Variants in SLC6A3 observed in about 807,000 individuals in gnomAD.
SLC6A3 encodes the protein solute carrier family 6 member 3.
Under a neutral mutation model 70.4 loss-of-function variants are expected in SLC6A3, and 19 were observed. The ratio of observed to expected loss-of-function variants is 0.27; its 90% CI spans 0.19 to 0.40. SLC6A3 has a LOEUF of 0.40. SLC6A3 is among the 10% of genes least tolerant of loss of function. The probability of loss-of-function intolerance (pLI) is 1.00; values close to 1 mark genes in which losing one functional copy is unlikely to be tolerated. For missense variants in SLC6A3, 613 were observed against 838.5 expected, an observed-to-expected ratio of 0.73 and a Z score of 3.32; for synonymous variants, 368 against 356.6, an observed-to-expected ratio of 1.03 and a Z score of -0.36.
chr5:1,394,365 TC>T lies in SLC6A3; in HGVS notation c.*369del. ...GCAGGTGCGTCTACAAGGATCGTGA[TC>T]CCCGCCTGAGAACACAGTGCCCCTG... On this transcript the variant is annotated 3_prime_UTR_variant, in exon 15 of 15. Transcript: ENST00000270349. This position sits in a 1 kb window ranked among gnomAD's most constrained non-coding sequence, Gnocchi z 4.7. 2.3e-6 allele frequency: 1 copy of T among 432,860 alleles called. No individual in the cohort carries two copies. The highest frequency in any genetic ancestry group is 4.3e-6 in the Non-Finnish European group (1 of 235,040). 26.8% of individuals were successfully genotyped at this position (432,860 alleles called of 1,614,324 possible). A position where few individuals can be genotyped will look rare whatever the true frequency, so the allele number is the denominator to read the frequency against.
In SLC6A3 at chr5:1,401,389, A is replaced by C; in HGVS notation, c.1768-403T>G. The C allele has an allele frequency of 2.4e-6, 1 of 422,936 alleles. No homozygotes were observed. The highest frequency in any genetic ancestry group is 4.6e-6 in the Non-Finnish European group (1 of 216,388). 26.2% of individuals were successfully genotyped at this position (422,936 alleles called of 1,614,324 possible). A position where few individuals can be genotyped will look rare whatever the true frequency, so the allele number is the denominator to read the frequency against. ...CCTCGGGGCCACCTGCAGCTGACAT[A>C]TTCCGGGAGCACTTGCTTTTTGTCA... On this transcript the variant is annotated intron_variant, in intron 13 of 14. Transcript: ENST00000270349. The surrounding 1 kb of genome is among the most constrained non-coding windows in gnomAD (Gnocchi z 6.1).
chr5:1,410,566 C>T (rs752008101), intron 9 of SLC6A3, among the ~76,000 whole-genome samples: 8 of 152,170 alleles, frequency 5.3e-5, no homozygotes, highest in Non-Finnish European at 1.0e-4. Context: ...GGACCCGCCA[C>T]CCCCAGCAGC....
chr5:1,402,580 A>C lies in SLC6A3; in HGVS notation c.1767+342T>G, dbSNP rs2126323140. ...CGAATGTGAGCACAGACCCAGGCCC[A>C]CACACACGTGCACACGGAGACAGCA... is the stretch of plus-strand genomic sequence containing the variant. On this transcript the variant is annotated intron_variant, in intron 13 of 14. Coordinates refer to ENST00000270349, the MANE Select transcript of SLC6A3 (RefSeq NM_001044.5). This position sits in a 1 kb window ranked among gnomAD's most constrained non-coding sequence, Gnocchi z 8.5. Among the ~76,000 whole-genome samples the C allele has an allele frequency of 6.6e-6, 1 of 152,332 alleles. No homozygotes were observed. Among genetic ancestry groups the C allele is most frequent in the East Asian group, 1.9e-4 (1 of 5,172 alleles).
chr5:1,441,288 G>T, intron 3 of SLC6A3, 71 bp downstream of exon 3: 1 of 1,595,558 alleles, frequency 6.3e-7, no homozygotes, highest in Non-Finnish European at 8.6e-7. Flanking sequence ...CGGCTGGCTT[G>T]CTTTGAAAGC....
At chr5:1,422,784 A>G (rs371390243) in intron 4 of SLC6A3, among the ~76,000 whole-genome samples, 7 of 67,402 alleles carry the variant, frequency 1.0e-4, no homozygotes, top group Admixed American at 3.2e-4. Flanking sequence ...CGCTGCCCAC[A>G]GTGCTGCCCA....
intron 6 of SLC6A3, among the ~76,000 whole-genome samples, chr5:1,417,288 G>A (rs73030164): frequency 5.2e-4 from 78 of 151,334 alleles, no homozygotes; most frequent in African/African-American, 1.8e-3. Flanking sequence ...GCTACATGAT[G>A]GTGGCGCCCT....
chr5:1,440,342 T>C (rs1450264700), intron 3 of SLC6A3, among the ~76,000 whole-genome samples: 2 of 151,284 alleles, frequency 1.3e-5, no homozygotes, highest in African/African-American at 4.9e-5. Flanking sequence ...GATCAATAGA[T>C]AATGGATGGA....
intron 3 of SLC6A3, 61 bp from the exon 4 acceptor site, chr5:1,432,759 A>G: frequency 1.7e-6 from 2 of 1,195,552 alleles, no homozygotes. Context: ...ACCATCAGCA[A>G]CGTGTCCCTT....
chr5:1,435,678 G>A (rs1384146671), intron 3 of SLC6A3, among the ~76,000 whole-genome samples: 1 of 152,182 alleles, frequency 6.6e-6, no homozygotes, highest in Non-Finnish European at 1.5e-5. Context: ...CCTCCTGGTT[G>A]AGGATGCTTC....
chr5:1,423,505 C>A (rs1308317044), intron 4 of SLC6A3, among the ~76,000 whole-genome samples: 2 of 152,240 alleles, frequency 1.3e-5, no homozygotes, highest in African/African-American at 4.8e-5. Context: ...GCTCACAGCC[C>A]CTGCTGCTAT....
intron 3 of SLC6A3, among the ~76,000 whole-genome samples, chr5:1,439,194 C>T (rs374877671): frequency 2.0e-5 from 3 of 152,094 alleles, no homozygotes; most frequent in African/African-American, 4.8e-5. Context: ...GACCTGACGA[C>T]GGGGACGGAG....
chr5:1,414,583 G>T lies in SLC6A3; in HGVS notation c.1156+108C>A, dbSNP rs148689647. The T allele has an allele frequency of 6.5e-5, 86 of 1,317,120 alleles. 1 individual carries two copies. The highest frequency in any genetic ancestry group is 9.0e-5 in the Non-Finnish European group (85 of 949,118). The allele number at this position is 1,317,120 out of a possible 1,614,324, so 81.6% of individuals were successfully genotyped here. A position where few individuals can be genotyped will look rare whatever the true frequency, so the allele number is the denominator to read the frequency against. On this transcript the variant is annotated intron_variant, in intron 8 of 14. Coordinates refer to ENST00000270349, the MANE Select transcript of SLC6A3 (RefSeq NM_001044.5). Reference sequence around the variant, plus strand: ...TGAGGCAGCAACTCTCACTGAAGTCGCTCAGGGCCCATGCGTCTCCTTCCT... The same window carrying T: ...TGAGGCAGCAACTCTCACTGAAGTCTCTCAGGGCCCATGCGTCTCCTTCCT...
chr5:1,442,898 G>C lies in SLC6A3; in HGVS notation c.286+14C>G, dbSNP rs755546876. 6.2e-7 allele frequency: 1 copy of C among 1,614,108 alleles called. No individual in the cohort carries two copies. The highest frequency in any genetic ancestry group is 8.5e-7 in the Non-Finnish European group (1 of 1,179,976). The stretch of plus-strand genomic sequence containing the variant: ...CCCGGCCAGCATGCTCAGGGAGGCT[G>C]AGATGGGACTTACCGCCACCATTTT... On this transcript the variant is annotated intron_variant, in intron 2 of 14. Coordinates refer to ENST00000270349, the MANE Select transcript of SLC6A3 (RefSeq NM_001044.5). This position sits in a 1 kb window ranked among gnomAD's most constrained non-coding sequence, Gnocchi z 5.0.
At chr5:1,414,659 G>T (rs774074306) in intron 8 of SLC6A3, 32 bp downstream of exon 8, 4 of 1,610,066 alleles carry the variant, frequency 2.5e-6, no homozygotes, top group Admixed American at 1.7e-5. Context: ...GTGCTACACG[G>T]AGCAGGCCCA....
rs935602127 is a variant in SLC6A3, at chr5:1,436,726, C to A, written c.419-4028G>T. On this transcript the variant is annotated intron_variant, in intron 3 of 14. Transcript: ENST00000270349. The surrounding 1 kb of genome is among the most constrained non-coding windows in gnomAD (Gnocchi z 5.2). ...ATGGGGTTGCCCTTGGCAATGAAAC[C>A]GAAACCTGACAAACAGAAGCTGGCT... Among the ~76,000 whole-genome samples the A allele has an allele frequency of 6.6e-6, 1 of 152,130 alleles. No homozygotes were observed. The highest frequency in any genetic ancestry group is 1.5e-5 in the Non-Finnish European group (1 of 68,028).
chr5:1,430,584 G>C (rs946934218), intron 4 of SLC6A3, among the ~76,000 whole-genome samples: 4 of 152,214 alleles, frequency 2.6e-5, no homozygotes, highest in Non-Finnish European at 4.4e-5. Context: ...CTGCCCGAAG[G>C]CTCCATCTCA....
At chr5:1,423,203 C>G (rs1233870265) in intron 4 of SLC6A3, among the ~76,000 whole-genome samples, 2 of 72,546 alleles carry the variant, frequency 2.8e-5, no homozygotes, top group African/African-American at 6.4e-5. Flanking sequence ...CAGTGCTGCC[C>G]ATGGTGCTGG....
At chr5:1,443,548 C>G (rs1011547407) in intron 1 of SLC6A3, among the ~76,000 whole-genome samples, 5 of 152,234 alleles carry the variant, frequency 3.3e-5, no homozygotes, top group African/African-American at 9.6e-5. Flanking sequence ...TGAGCTCTAG[C>G]GTGGCTTTCT....
In SLC6A3 at chr5:1,403,053, G is replaced by T. The variant is rs1755888743; in HGVS notation, c.1636C>A (p.Pro546Thr). Reference sequence around the variant, plus strand: ...GGGAAGATGTAGGCTCCGTAGTGGGGGGGTCTGAAGGTCACAATGCTGACC... The same window carrying T: ...GGGAAGATGTAGGCTCCGTAGTGGGTGGGTCTGAAGGTCACAATGCTGACC... Reference protein sequence around the residue: ...VVVSIVTFRPPHYGAYIFPDW... With the variant: ...VVVSIVTFRPTHYGAYIFPDW... The change falls in exon 13 of 15, where the codon CCC (proline) becomes ACC (threonine). Residue 546 changes from proline (P) to threonine (T), a missense_variant. Transcript: ENST00000270349. 1.2e-6 allele frequency: 2 copies of T among 1,613,784 alleles called. No homozygotes were observed. The highest frequency in any genetic ancestry group is 3.3e-5 in the Admixed American group (2 of 60,004).
Sources: gnomAD v4.1 joint callset for allele counts (sites outside exome capture counted in the v4.1 genomes callset) on GRCh38, gnomAD v4.1.1 for gene constraint, Gnocchi (gnomAD v3.1) non-coding constraint, MANE v1.5 for transcripts, NCBI Gene and HGNC (gene_info 2026-07-23, HGNC 2026-07-21) for gene names.